Variants in FLT1 observed in about 807,000 individuals in gnomAD.
FLT1 encodes the protein vascular endothelial growth factor receptor 1.
FLT1 carries 49 observed loss-of-function variants against 156.3 expected under a neutral mutation model. The ratio of observed to expected loss-of-function variants is 0.31; its 90% CI spans 0.25 to 0.40. The LOEUF (loss-of-function observed/expected upper bound fraction) is 0.40. Among genes scored for constraint, FLT1 ranks in the 10% least tolerant of loss-of-function variants. The pLI is 1.00. For missense variants in FLT1, 1,322 were observed against 1,637.2 expected (o/e 0.81, Z 3.32); for synonymous variants, 594 against 583.8 (o/e 1.02, Z -0.25).
intron 3 of FLT1, among the ~76,000 whole-genome samples, chr13:28,441,096 G>A (rs1044068969): frequency 6.6e-6 from 1 of 152,160 alleles, no homozygotes; most frequent in South Asian, 2.1e-4. Flanking sequence ...GAAGTTGGGG[G>A]AGCAGGCTCA....
chr13:28,370,175 C>A (rs560361040), intron 14 of FLT1, among the ~76,000 whole-genome samples: 2 of 151,846 alleles, frequency 1.3e-5, no homozygotes, highest in East Asian at 3.9e-4. Context: ...CAGAGCAAGA[C>A]CCTGTCTCAA....
Position 28,308,481 on chromosome 13 carries a change from C to G in FLT1, c.3720+362G>C, listed in dbSNP as rs550411052. 9.8e-5 allele frequency: 33 copies of G among 336,138 alleles called. 1 individual carries two copies. The highest frequency in any genetic ancestry group is 7.4e-4 in the South Asian group (27 of 36,536). The allele number at this position is 336,138 out of a possible 1,614,324, so 20.8% of individuals were successfully genotyped here. On this transcript the variant is annotated intron_variant, in intron 28 of 29. Coordinates refer to ENST00000282397, the MANE Select transcript of FLT1 (RefSeq NM_002019.4). ...AGCCTCAAGGCTGCTTGCAGGAACG[C>G]GCTCTCTGTTACATCACAAAGCCCA...
At chr13:28,472,122 T>C (rs1466996166) in intron 1 of FLT1, among the ~76,000 whole-genome samples, 2 of 152,240 alleles carry the variant, frequency 1.3e-5, no homozygotes, top group East Asian at 1.9e-4. Flanking sequence ...TTTATGACTC[T>C]TTGACACAAA....
intron 3 of FLT1, among the ~76,000 whole-genome samples, chr13:28,446,608 T>C (rs1401057218): frequency 5.3e-5 from 8 of 152,188 alleles, no homozygotes; most frequent in Non-Finnish European, 7.3e-5. Context: ...AATGTACAAC[T>C]TATACTTTGA....
intron 23 of FLT1, among the ~76,000 whole-genome samples, chr13:28,320,456 C>T (rs530461471): frequency 4.6e-5 from 7 of 152,146 alleles, no homozygotes; most frequent in Non-Finnish European, 1.0e-4. Context: ...ATTCCTGGCC[C>T]GCGGGCCACA....
rs758241248 is a variant in FLT1 at position 28,438,288 on chromosome 13, G to A, written c.446C>T (p.Thr149Ile). The part of the protein sequence containing the change: ...YSEIPEIIHM[T>I]EGRELVIPCR... ...GGGAATGACGAGCTCCCTTCCTTCA[G>A]TCATGTGTATAATTTCGGGGATTTC... The change falls in exon 4 of 30, where the codon ACT (threonine) becomes ATT (isoleucine). Residue 149 changes from threonine to isoleucine, a missense_variant. Coordinates refer to ENST00000282397, the MANE Select transcript of FLT1 (RefSeq NM_002019.4). The A allele has an allele frequency of 6.2e-7, 1 of 1,612,254 alleles. No homozygotes were observed. Among genetic ancestry groups the A allele is most frequent in the Non-Finnish European group, 8.5e-7 (1 of 1,178,282 alleles).
intron 1 of FLT1, among the ~76,000 whole-genome samples, chr13:28,493,746 A>C (rs1881587981): frequency 6.6e-6 from 1 of 152,168 alleles, no homozygotes; most frequent in Non-Finnish European, 1.5e-5. Flanking sequence ...CGAACCCTCA[A>C]GTTCCTCGGG....
intron 3 of FLT1, among the ~76,000 whole-genome samples, chr13:28,464,436 C>T (rs1879746081): frequency 6.6e-6 from 1 of 152,218 alleles, no homozygotes; most frequent in Non-Finnish European, 1.5e-5. Context: ...GCACTTTTTC[C>T]CACTAAGCCT....
chr13:28,341,049 C>T (rs1040201671), intron 16 of FLT1, among the ~76,000 whole-genome samples: 5 of 152,150 alleles, frequency 3.3e-5, no homozygotes, highest in Admixed American at 6.5e-5. Context: ...ATCTCCAATC[C>T]TCACAGAGCA....
intron 17 of FLT1, among the ~76,000 whole-genome samples, chr13:28,334,613 A>C (rs1028868543): frequency 6.6e-6 from 1 of 152,214 alleles, no homozygotes; most frequent in Non-Finnish European, 1.5e-5. Flanking sequence ...ACTTTAAAAT[A>C]ATCACTAAGT....
At chr13:28,331,892 A>C (rs1487978632) in intron 18 of FLT1, among the ~76,000 whole-genome samples, 1 of 152,170 alleles carries the variant, frequency 6.6e-6, no homozygotes, top group Non-Finnish European at 1.5e-5. Flanking sequence ...GACACTACAC[A>C]TGCAATCTGT....
At chr13:28,408,909 T>A (rs951488037) in intron 10 of FLT1, among the ~76,000 whole-genome samples, 5 of 151,936 alleles carry the variant, frequency 3.3e-5, no homozygotes, top group South Asian at 2.1e-4. Flanking sequence ...AAAAAAAAAA[T>A]TATGGGCTAA....
intron 26 of FLT1, 130 bp from the exon 27 acceptor site, chr13:28,311,862 C>T (rs1449215882): frequency 1.6e-5 from 16 of 970,274 alleles, no homozygotes; most frequent in African/African-American, 3.2e-5. Flanking sequence ...ATTCTGTATA[C>T]ACACACACAC....
chr13:28,364,629 A>C (rs996569845), intron 14 of FLT1, among the ~76,000 whole-genome samples: 2 of 152,104 alleles, frequency 1.3e-5, no homozygotes, highest in Middle Eastern at 3.2e-3. Flanking sequence ...TAAGGACCTA[A>C]TTTTTACCAT....
In FLT1 at chr13:28,302,988, T is replaced by G. The variant is rs1393924003; in HGVS notation, c.*179A>C. On this transcript the variant is annotated 3_prime_UTR_variant, in exon 30 of 30. Transcript: ENST00000282397. Reference sequence around the variant, plus strand: ...CTTCACTTGTCACTATTTCTCTATCTGGAGTTACATTCTTGTTAGTCAAAA... The same window carrying G: ...CTTCACTTGTCACTATTTCTCTATCGGGAGTTACATTCTTGTTAGTCAAAA... 7 of 604,350 alleles carry G rather than the reference T, an allele frequency of 1.2e-5. No individual in the cohort carries two copies. The East Asian group carries it at 1.9e-4, about 17-fold the overall frequency. The allele number at this position is 604,350 out of a possible 1,614,324, so 37.4% of individuals were successfully genotyped here.
chr13:28,412,356 CTTTCTTTCTTTCTTTCTT>C (rs1876297455), intron 10 of FLT1, among the ~76,000 whole-genome samples: 1 of 106,360 alleles, frequency 9.4e-6, no homozygotes, highest in African/African-American at 3.4e-5. Context: ...CTTTCTCTTT[CTTTCTTTCTTTCTTTCTT>C]TCTTTCTTTC....
At chr13:28,307,629 C>A (rs759965443) in intron 28 of FLT1, among the ~76,000 whole-genome samples, 2 of 147,972 alleles carry the variant, frequency 1.4e-5, no homozygotes, top group Non-Finnish European at 3.0e-5. Context: ...TCTGGTGTGT[C>A]TGACAAGGTT....
intron 25 of FLT1, among the ~76,000 whole-genome samples, chr13:28,316,092 C>T (rs1046992288): frequency 6.6e-6 from 1 of 152,232 alleles, no homozygotes; most frequent in Non-Finnish European, 1.5e-5. Flanking sequence ...CCTCAGCTCC[C>T]TGTACTTTTC....
chr13:28,446,299 C>T (rs1878615608), intron 3 of FLT1, among the ~76,000 whole-genome samples: 1 of 152,142 alleles, frequency 6.6e-6, no homozygotes, highest in Admixed American at 6.5e-5. Flanking sequence ...ACTAGAGGTT[C>T]CAGACAGAGC....
Sources: allele counts gnomAD v4.1 joint callset (sites outside exome capture counted in the v4.1 genomes callset), GRCh38; gene constraint gnomAD v4.1.1; transcripts MANE v1.5; gene names NCBI Gene and HGNC (gene_info 2026-07-23, HGNC 2026-07-21).